Variants in LINGO2 observed in about 807,000 individuals in gnomAD.
LINGO2 encodes the protein leucine rich repeat and Ig domain containing 2.
In LINGO2, 14 loss-of-function variants were observed where a neutral mutation model predicts 30.6. That is an observed-to-expected ratio of 0.46 (90% CI 0.30 to 0.72). LINGO2 has a LOEUF of 0.72. Ranked by LOEUF, LINGO2 falls within the 30% of genes least tolerant of loss-of-function variation. LINGO2 has a pLI of 0.07. For missense variants in LINGO2, 729 were observed against 751.7 expected, an observed-to-expected ratio of 0.97 and a Z score of 0.35; for synonymous variants, 317 against 288.5, an observed-to-expected ratio of 1.10 and a Z score of -1.00.
intron 1 of LINGO2, among the ~76,000 whole-genome samples, chr9:28,598,016 CT>C (rs2135733659): frequency 6.6e-6 from 1 of 152,260 alleles, no homozygotes; most frequent in African/African-American, 2.4e-5. Context: ...CCACCCACCT[CT>C]GCCTTCCAAA....
intron 4 of LINGO2, among the ~76,000 whole-genome samples, chr9:28,216,016 C>T (rs1313010848): frequency 1.3e-5 from 2 of 151,832 alleles, no homozygotes; most frequent in Admixed American, 1.3e-4. Context: ...ATCTTTTGCT[C>T]TTTTGGCACT....
intron 2 of LINGO2, among the ~76,000 whole-genome samples, chr9:28,429,666 T>C (rs990872726): frequency 1.3e-5 from 2 of 152,128 alleles, no homozygotes; most frequent in East Asian, 3.9e-4. Flanking sequence ...GCAGTAAAAA[T>C]AGTCTTCAAG....
intron 1 of LINGO2, among the ~76,000 whole-genome samples, chr9:28,538,425 T>C (rs749954750): frequency 9.2e-5 from 14 of 152,044 alleles, no homozygotes; most frequent in African/African-American, 1.7e-4. Flanking sequence ...GTGACAGACA[T>C]AGTTAACACA....
chr9:28,626,569 T>C (rs1826688568), intron 1 of LINGO2, among the ~76,000 whole-genome samples: 1 of 152,102 alleles, frequency 6.6e-6, no homozygotes, highest in African/African-American at 2.4e-5. Flanking sequence ...TACAGATACC[T>C]AGTTTAAGCA....
the LINGO2 span, among the ~76,000 whole-genome samples, chr9:28,792,022 T>C: frequency 6.6e-6 from 1 of 151,360 alleles, no homozygotes; most frequent in South Asian, 2.1e-4. Context: ...ATATATACAC[T>C]TTAAAATATA....
At chr9:28,547,411 T>C (rs971704535) in intron 1 of LINGO2, among the ~76,000 whole-genome samples, 2 of 152,102 alleles carry the variant, frequency 1.3e-5, no homozygotes, top group African/African-American at 4.8e-5. Flanking sequence ...AATTTCAATA[T>C]CAAAATTCCA....
chr9:28,383,932 C>A (rs1821461269), intron 2 of LINGO2, among the ~76,000 whole-genome samples: 1 of 151,866 alleles, frequency 6.6e-6, no homozygotes, highest in Non-Finnish European at 1.5e-5. Context: ...GTAGAGAAAC[C>A]TATGATCTTA....
At chr9:27,938,084 G>A in the LINGO2 span, 1 of 152,006 alleles carries the variant, frequency 6.6e-6, no homozygotes, top group Non-Finnish European at 1.5e-5. Context: ...ATAAATAACT[G>A]TTCCGCCACA....
At chr9:29,106,746 TA>T in the LINGO2 span, among the ~76,000 whole-genome samples, 1 of 152,214 alleles carries the variant, frequency 6.6e-6, no homozygotes, top group Non-Finnish European at 1.5e-5. Flanking sequence ...TATAGACTTT[TA>T]TTTTAATTCT....
intron 5 of LINGO2, among the ~76,000 whole-genome samples, chr9:28,012,189 T>C (rs1381198700): frequency 6.6e-6 from 1 of 151,980 alleles, no homozygotes; most frequent in African/African-American, 2.4e-5. Context: ...GGGTAGTGGC[T>C]GGGAAAAGAG....
chr9:28,349,823 G>A (rs942188074), intron 3 of LINGO2, among the ~76,000 whole-genome samples: 10 of 152,058 alleles, frequency 6.6e-5, no homozygotes, highest in Admixed American at 3.9e-4. Flanking sequence ...CTACAAGCCA[G>A]AAGAGACTGG....
At chr9:27,997,212 G>A (rs1821709661) in intron 5 of LINGO2, among the ~76,000 whole-genome samples, 1 of 152,148 alleles carries the variant, frequency 6.6e-6, no homozygotes, top group Non-Finnish European at 1.5e-5. Context: ...GGCCACTCAA[G>A]GTCTGGGCTA....
the LINGO2 span, among the ~76,000 whole-genome samples, chr9:28,940,670 G>A: frequency 6.6e-6 from 1 of 152,102 alleles, no homozygotes. Flanking sequence ...GTGCATATGT[G>A]TGAGAAATAG....
At chr9:28,717,058 A>G in the LINGO2 span, among the ~76,000 whole-genome samples, 1 of 152,156 alleles carries the variant, frequency 6.6e-6, no homozygotes, top group South Asian at 2.1e-4. Flanking sequence ...ATGAGACAGC[A>G]ATTTTTTTTT....
chr9:28,498,898 C>T (rs971236401), intron 1 of LINGO2, among the ~76,000 whole-genome samples: 11 of 151,932 alleles, frequency 7.2e-5, no homozygotes, highest in Non-Finnish European at 8.8e-5. Context: ...AATAATACTA[C>T]ATAATGTGGT....
intron 4 of LINGO2, among the ~76,000 whole-genome samples, chr9:28,018,602 C>T (rs1023045793): frequency 1.4e-4 from 22 of 152,096 alleles, no homozygotes; most frequent in African/African-American, 4.8e-4. Flanking sequence ...TCCTCAGCAT[C>T]GCTAATCACT....
intron 4 of LINGO2, among the ~76,000 whole-genome samples, chr9:28,043,121 G>A (rs528933967): frequency 6.6e-6 from 1 of 152,340 alleles, no homozygotes; most frequent in East Asian, 1.9e-4. Flanking sequence ...AGGGCATCCT[G>A]GCTGCACCAA....
At chr9:28,844,982 G>A in the LINGO2 span, among the ~76,000 whole-genome samples, 15 of 151,864 alleles carry the variant, frequency 9.9e-5, no homozygotes, top group South Asian at 8.3e-4. Context: ...CATATGCTAA[G>A]TAGGTACTTA....
chr9:28,005,661 T>C (rs1033017340), intron 5 of LINGO2, among the ~76,000 whole-genome samples: 1 of 152,064 alleles, frequency 6.6e-6, no homozygotes, highest in African/African-American at 2.4e-5. Flanking sequence ...GTGTTGGTGG[T>C]GATTTCAGTC....
Sources: allele counts gnomAD v4.1 joint callset (sites outside exome capture counted in the v4.1 genomes callset), GRCh38; gene constraint gnomAD v4.1.1; transcripts MANE v1.5; gene names NCBI Gene and HGNC (gene_info 2026-07-23, HGNC 2026-07-21).